The following CSMD1 variants were observed in gnomAD, a reference collection of about 807,000 sequenced individuals.
CSMD1 encodes CUB and Sushi multiple domains 1, also known as CUB and sushi domain-containing protein 1.
A neutral mutation model predicts 417.5 loss-of-function variants in CSMD1; 213 were observed. The observed-to-expected ratio is 0.51, with a 90% CI of 0.46 to 0.57. CSMD1 has a LOEUF of 0.57. CSMD1 is among the 20% of genes least tolerant of loss of function. CSMD1 has a pLI of 0.00. For synonymous variants in CSMD1, 2,862 were observed against 1,736.8 expected (o/e 1.65, Z -16.11); for missense variants, 6,923 against 4,529.7 (o/e 1.53, Z -15.17).
At chr8:4,470,010 G>A (rs558660650) in intron 2 of CSMD1, among the ~76,000 whole-genome samples, 2 of 151,976 alleles carry the variant, frequency 1.3e-5, no homozygotes, top group Admixed American at 6.6e-5. Flanking sequence ...TGGGATTACA[G>A]GCGCCCGCTA....
intron 2 of CSMD1, among the ~76,000 whole-genome samples, chr8:4,552,116 G>A (rs1797899701): frequency 6.6e-6 from 1 of 152,158 alleles, no homozygotes; most frequent in South Asian, 2.1e-4. Flanking sequence ...CATTAATGGG[G>A]TGTCTTAGAA....
At position 4,768,669 on chromosome 8, in the gene CSMD1, G is replaced by A. The variant is rs569659179; in HGVS notation, c.86-131111C>T. Among the ~76,000 whole-genome samples, 3 of 152,252 alleles carry A rather than the reference G, an allele frequency of 2.0e-5. No individual in the cohort carries two copies. The East Asian group carries it at 5.8e-4, about 29-fold the overall frequency. ...AAAGTACAGTCAATCACAGATGGGA[G>A]GGAAAGGTGTTGGCGTTCCCAAACA... On this transcript the variant is annotated intron_variant, in intron 1 of 69. Coordinates refer to ENST00000635120, the MANE Select transcript of CSMD1 (RefSeq NM_033225.6).
At chr8:3,356,455 T>A (rs924751036) in intron 21 of CSMD1, among the ~76,000 whole-genome samples, 2 of 152,122 alleles carry the variant, frequency 1.3e-5, no homozygotes, top group Non-Finnish European at 2.9e-5. Context: ...GGCGGGCACA[T>A]CACATGGTCA....
intron 3 of CSMD1, among the ~76,000 whole-genome samples, chr8:4,338,844 C>G (rs530784619): frequency 6.6e-6 from 1 of 151,940 alleles, no homozygotes; most frequent in Non-Finnish European, 1.5e-5. Context: ...CTTTATATTA[C>G]TTTTTGAAAG....
intron 3 of CSMD1, among the ~76,000 whole-genome samples, chr8:4,199,202 T>C (rs1321513020): frequency 1.4e-5 from 2 of 147,426 alleles, no homozygotes; most frequent in Non-Finnish European, 3.0e-5. Flanking sequence ...CATTAAAAAA[T>C]ACAATACCAA....
At chr8:3,497,224 T>A (rs1244998961) in intron 10 of CSMD1, among the ~76,000 whole-genome samples, 1 of 152,152 alleles carries the variant, frequency 6.6e-6, no homozygotes, top group South Asian at 2.1e-4. Flanking sequence ...GATAATCTGT[T>A]CCATGCTGAG....
In CSMD1 at chr8:3,780,844, T is replaced by C. The variant is rs368037169; in HGVS notation, c.819-26802A>G. ...GCCATAGAACAATTTCCTCAATAAT[T>C]TTCTCTGCTTATTGGATATTTTGAG... On this transcript the variant is annotated intron_variant, in intron 5 of 69. Transcript: ENST00000635120. Among the ~76,000 whole-genome samples, 4 of 152,202 alleles carry C rather than the reference T, an allele frequency of 2.6e-5. No homozygotes were observed. In the East Asian group the frequency reaches 5.8e-4, roughly 22 times the overall value.
intron 20 of CSMD1, 96 bp from the exon 21 acceptor site, chr8:3,359,436 A>AG: frequency 1.1e-6 from 1 of 940,784 alleles, no homozygotes; most frequent in Non-Finnish European, 1.5e-6. Flanking sequence ...TAAAAAAAAA[A>AG]AAAAAAACCT....
At position 3,840,228 on chromosome 8, in the gene CSMD1, A is replaced by C. The variant is rs187654503; in HGVS notation, c.819-86186T>G. Among the ~76,000 whole-genome samples, 4 of 152,276 alleles carry C rather than the reference A, an allele frequency of 2.6e-5. No individual in the cohort carries two copies. The East Asian group carries it at 7.7e-4, about 29-fold the overall frequency. ...GCTTCTGTATGTTTGAACCTTTGAA[A>C]AAAAAAGAGACAGCATAAATTAGCC... On this transcript the variant is annotated intron_variant, in intron 5 of 69. Transcript: ENST00000635120.
intron 3 of CSMD1, among the ~76,000 whole-genome samples, chr8:4,130,238 T>C (rs574450651): frequency 2.0e-5 from 3 of 152,136 alleles, no homozygotes; most frequent in Non-Finnish European, 4.4e-5. Context: ...GTCTAGTATG[T>C]AAGTTTGGAG....
intron 3 of CSMD1, among the ~76,000 whole-genome samples, chr8:4,129,964 T>G (rs1224384018): frequency 6.6e-6 from 1 of 152,200 alleles, no homozygotes; most frequent in African/African-American, 2.4e-5. Flanking sequence ...AATTTTCAGT[T>G]TCTTCCCAGT....
intron 2 of CSMD1, among the ~76,000 whole-genome samples, chr8:4,550,925 G>C (rs746747501): frequency 2.6e-5 from 4 of 152,120 alleles, no homozygotes; most frequent in Admixed American, 6.5e-5. Flanking sequence ...GCTCAAGTTA[G>C]TTTCCTGAGT....
At chr8:4,068,845 A>T (rs564594484) in intron 3 of CSMD1, among the ~76,000 whole-genome samples, 45 of 152,326 alleles carry the variant, frequency 3.0e-4, no homozygotes, top group Non-Finnish European at 5.3e-4. Context: ...ACTGTATCAA[A>T]ATGCAGCTCC....
At chr8:4,316,480 A>C (rs1467634172) in intron 3 of CSMD1, among the ~76,000 whole-genome samples, 1 of 152,184 alleles carries the variant, frequency 6.6e-6, no homozygotes, top group African/African-American at 2.4e-5. Flanking sequence ...TGAAAACCTC[A>C]ACGATTTTTG....
At chr8:4,011,324 C>T (rs192732819) in intron 4 of CSMD1, among the ~76,000 whole-genome samples, 1 of 152,130 alleles carries the variant, frequency 6.6e-6, no homozygotes, top group Non-Finnish European at 1.5e-5. Flanking sequence ...TAACCGTGCT[C>T]CAATTGCCCC....
chr8:3,499,593 T>G (rs870510), intron 10 of CSMD1, among the ~76,000 whole-genome samples: 104,388 of 151,738 alleles, frequency 0.69, 36,007 homozygotes, highest in Middle Eastern at 0.74. Context: ...GTTGGTAGTG[T>G]GCCTCAAGAA....
At chr8:4,272,952 A>G (rs1031485264) in intron 3 of CSMD1, among the ~76,000 whole-genome samples, 1 of 152,204 alleles carries the variant, frequency 6.6e-6, no homozygotes, top group African/African-American at 2.4e-5. Flanking sequence ...TTAGTTCACA[A>G]TATTTTTAAT....
intron 5 of CSMD1, among the ~76,000 whole-genome samples, chr8:3,878,751 T>C (rs918518754): frequency 6.0e-4 from 92 of 152,282 alleles, no homozygotes; most frequent in Middle Eastern, 6.8e-3. Context: ...TTGTACTTTA[T>C]GTTGGACAGT....
At position 4,994,514 on chromosome 8, in the gene CSMD1, C is replaced by A. The variant is rs1023620079; in HGVS notation, c.-98G>T. On this transcript the variant is annotated 5_prime_UTR_variant, in exon 1 of 70. Coordinates refer to ENST00000635120, the MANE Select transcript of CSMD1 (RefSeq NM_033225.6). The stretch of plus-strand genomic sequence containing the variant: ...ATAATCACCCGAGGGCAAGGCGAGC[C>A]GGAGAGAGAGCCCGGTCCCAAGACC... 2 of 1,129,518 alleles carry A rather than the reference C, an allele frequency of 1.8e-6. No individual in the cohort carries two copies. The highest frequency in any genetic ancestry group is 1.4e-5 in the South Asian group (1 of 73,472). 70.0% of individuals were successfully genotyped at this position (1,129,518 alleles called of 1,614,324 possible).
Sources: allele counts gnomAD v4.1 joint callset (sites outside exome capture counted in the v4.1 genomes callset), GRCh38; gene constraint gnomAD v4.1.1; transcripts MANE v1.5; gene names NCBI Gene and HGNC (gene_info 2026-07-23, HGNC 2026-07-21).